GFOD1: variants seen among roughly 807,000 people sequenced by gnomAD.
The protein encoded by GFOD1 is Gfo/Idh/MocA-like oxidoreductase domain containing 1, also known as glucose-fructose oxidoreductase domain-containing protein 1.
In GFOD1, 9 loss-of-function variants were observed where a neutral mutation model predicts 25.4. The ratio of observed to expected loss-of-function variants is 0.35; its 90% CI spans 0.21 to 0.62. The LOEUF (loss-of-function observed/expected upper bound fraction) is 0.62, where lower values mean the gene tolerates loss of function less well. Ranked by LOEUF, GFOD1 falls within the 20% of genes least tolerant of loss-of-function variation. The probability of loss-of-function intolerance (pLI) is 0.72; values close to 1 mark genes in which losing one functional copy is unlikely to be tolerated. For synonymous variants in GFOD1, 253 were observed against 245.6 expected (o/e 1.03, Z -0.28); for missense variants, 403 against 556.9 (o/e 0.72, Z 2.78).
chr6:13,378,047 G>A (rs978894050), intron 1 of GFOD1, among the ~76,000 whole-genome samples: 1 of 152,208 alleles, frequency 6.6e-6, no homozygotes, highest in African/African-American at 2.4e-5. Context: ...GCACAAGGAA[G>A]AGAAGAGGAG....
At chr6:13,404,287 T>C (rs1785905576) in intron 1 of GFOD1, among the ~76,000 whole-genome samples, 1 of 152,206 alleles carries the variant, frequency 6.6e-6, no homozygotes, top group African/African-American at 2.4e-5. Flanking sequence ...CATGGACTCA[T>C]CAAGTAGTCA....
Position 13,487,088 on chromosome 6 carries a change from A to C in GFOD1, c.-198T>G. On this transcript the variant is annotated 5_prime_UTR_variant, in exon 1 of 2. Transcript: ENST00000379287. The surrounding 1 kb of genome is among the most constrained non-coding windows in gnomAD (Gnocchi z 4.9). ...GCGGAGCAAGCTCGGGGCGCCTCAG[A>C]ACGGTGACTGCGGCAGTGTCCGCCA... 1.6e-6 allele frequency: 1 copy of C among 612,588 alleles called. No homozygotes were observed. The allele number at this position is 612,588 out of a possible 1,614,324, so 37.9% of individuals were successfully genotyped here. A position where few individuals can be genotyped will look rare whatever the true frequency, so the allele number is the denominator to read the frequency against.
At chr6:13,407,538 T>C (rs950176881) in intron 1 of GFOD1, among the ~76,000 whole-genome samples, 1 of 152,206 alleles carries the variant, frequency 6.6e-6, no homozygotes, top group African/African-American at 2.4e-5. Context: ...GAATAAAGGA[T>C]GACATTAAAA....
intron 1 of GFOD1, among the ~76,000 whole-genome samples, chr6:13,413,670 G>T (rs1398507297): frequency 6.6e-6 from 1 of 152,174 alleles, no homozygotes; most frequent in African/African-American, 2.4e-5. Flanking sequence ...AATTGACCCT[G>T]CCCTCCAAGG....
intron 1 of GFOD1, among the ~76,000 whole-genome samples, chr6:13,412,158 A>G (rs966274882): frequency 6.6e-6 from 1 of 152,218 alleles, no homozygotes; most frequent in Admixed American, 6.5e-5. Flanking sequence ...TGTCCCTCTA[A>G]AATTCATATA....
intron 1 of GFOD1, among the ~76,000 whole-genome samples, chr6:13,417,592 A>G (rs968317209): frequency 3.3e-5 from 5 of 152,262 alleles, no homozygotes; most frequent in South Asian, 2.1e-4. Context: ...TTTAGCAACT[A>G]CAACAGTGCT....
chr6:13,365,704 TGTCCGAGCGCGCGTCCCTGG>T lies in GFOD1; in HGVS notation c.254-62_254-43del, dbSNP rs1263879310. 1 of 1,381,772 alleles carries T rather than the reference TGTCCGAGCGCGCGTCCCTGG, an allele frequency of 7.2e-7. No homozygotes were observed. The highest frequency in any genetic ancestry group is 1.0e-6 in the Non-Finnish European group (1 of 991,744). 85.6% of individuals were successfully genotyped at this position (1,381,772 alleles called of 1,614,324 possible). On this transcript the variant is annotated intron_variant, in intron 1 of 1. Coordinates refer to ENST00000379287, the MANE Select transcript of GFOD1 (RefSeq NM_018988.4). This position sits in a 1 kb window ranked among gnomAD's most constrained non-coding sequence, Gnocchi z 9.2. Reference sequence around the variant, plus strand: ...GACAGCGGTCAGCGGGGCAGGACCATGTCCGAGCGCGCGTCCCTGGGTCAGATCTTAAAATATTTCACATT... The same window carrying T: ...GACAGCGGTCAGCGGGGCAGGACCATGTCAGATCTTAAAATATTTCACATT...
At chr6:13,481,712 G>T (rs1758756157) in intron 1 of GFOD1, among the ~76,000 whole-genome samples, 2 of 152,240 alleles carry the variant, frequency 1.3e-5, no homozygotes, top group African/African-American at 2.4e-5. Flanking sequence ...TCTTTGCCTT[G>T]TCTGCGTCCT....
At position 13,392,188 on chromosome 6, in the gene GFOD1, C is replaced by T. The variant is rs1287124731; in HGVS notation, c.254-26526G>A. Among the ~76,000 whole-genome samples, 7 of 151,926 alleles carry T rather than the reference C, an allele frequency of 4.6e-5. No homozygotes were observed. In the South Asian group the frequency reaches 1.5e-3, roughly 32 times the overall value. ...CCAGCCTGGGCGACACAACAAGATGCCACCTCTACTAAAAAAATATGAAAA... is the reference window on the plus strand; with the variant it reads ...CCAGCCTGGGCGACACAACAAGATGTCACCTCTACTAAAAAAATATGAAAA... On this transcript the variant is annotated intron_variant, in intron 1 of 1. Transcript: ENST00000379287.
chr6:13,463,504 G>C (rs1758328006), intron 1 of GFOD1, among the ~76,000 whole-genome samples: 1 of 152,164 alleles, frequency 6.6e-6, no homozygotes, highest in Non-Finnish European at 1.5e-5. Context: ...AACGTCTATG[G>C]ACAGGACTGC....
At chr6:13,385,615 G>C (rs1785453339) in intron 1 of GFOD1, among the ~76,000 whole-genome samples, 1 of 152,198 alleles carries the variant, frequency 6.6e-6, no homozygotes, top group African/African-American at 2.4e-5. Context: ...GGTTTTATGA[G>C]TAGAACTTGC....
chr6:13,475,436 G>T (rs945570369), intron 1 of GFOD1, among the ~76,000 whole-genome samples: 1 of 151,464 alleles, frequency 6.6e-6, no homozygotes, highest in Non-Finnish European at 1.5e-5. Context: ...TAGGCTGGGC[G>T]CGGTGGCTCA....
intron 1 of GFOD1, among the ~76,000 whole-genome samples, chr6:13,418,753 C>G (rs1405217254): frequency 1.3e-5 from 2 of 152,188 alleles, no homozygotes; most frequent in Non-Finnish European, 2.9e-5. Context: ...GATAAAGAAG[C>G]AGTCCCAGCA....
chr6:13,481,558 TACACACACACACACAC>T lies in GFOD1; in HGVS notation c.253+5064_253+5079del, dbSNP rs55888360. On this transcript the variant is annotated intron_variant, in intron 1 of 1. Transcript: ENST00000379287. ...CCACTGAAAGTGGAGAGTGATACCTTACACACACACACACACACACACACACACACACACACACACG... is the reference window on the plus strand; with the variant it reads ...CCACTGAAAGTGGAGAGTGATACCTTACACACACACACACACACACACACG... Among the ~76,000 whole-genome samples, 1,502 of 150,322 alleles carry T rather than the reference TACACACACACACACAC, an allele frequency of 1.0e-2. 19 individuals are homozygous for T. Among genetic ancestry groups the T allele is most frequent in the Non-Finnish European group, 7.7e-3 (522 of 67,468 alleles).
At chr6:13,425,861 T>A in intron 1 of GFOD1, among the ~76,000 whole-genome samples, 1 of 141,134 alleles carries the variant, frequency 7.1e-6, no homozygotes. Flanking sequence ...TAATGATAGC[T>A]GATAAGCTAG....
chr6:13,375,255 G>C (rs929635168), intron 1 of GFOD1, among the ~76,000 whole-genome samples: 1 of 152,108 alleles, frequency 6.6e-6, no homozygotes, highest in African/African-American at 2.4e-5. Context: ...TCTTAAGGCT[G>C]GCTAGGTTAT....
intron 1 of GFOD1, among the ~76,000 whole-genome samples, chr6:13,423,133 A>G (rs1786288579): frequency 6.6e-6 from 1 of 152,184 alleles, no homozygotes; most frequent in Non-Finnish European, 1.5e-5. Flanking sequence ...AATGCCTTTG[A>G]AAGTCTGTCT....
At chr6:13,406,302 T>A (rs929145595) in intron 1 of GFOD1, among the ~76,000 whole-genome samples, 1 of 152,178 alleles carries the variant, frequency 6.6e-6, no homozygotes, top group African/African-American at 2.4e-5. Context: ...TAATGGAAAA[T>A]GAAACGCCGT....
chr6:13,445,394 G>C lies in GFOD1; in HGVS notation c.253+41244C>G, dbSNP rs1757986506. ...ATCACAGTAATAATGTTCTGTACTT[G>C]TACTGGGCCCTCAATCTGAAGAGAC... On this transcript the variant is annotated intron_variant, in intron 1 of 1. Transcript: ENST00000379287. Among the ~76,000 whole-genome samples the C allele has an allele frequency of 3.9e-5, 6 of 152,172 alleles. No homozygotes were observed. The South Asian group carries it at 1.0e-3, about 26-fold the overall frequency.
Sources: gnomAD v4.1 joint callset for allele counts (sites outside exome capture counted in the v4.1 genomes callset) on GRCh38, gnomAD v4.1.1 for gene constraint, Gnocchi (gnomAD v3.1) non-coding constraint, MANE v1.5 for transcripts, NCBI Gene and HGNC (gene_info 2026-07-23, HGNC 2026-07-21) for gene names.